SYTL2: variants seen among roughly 807,000 people sequenced by gnomAD.
SYTL2 encodes synaptotagmin like 2.
Under a neutral mutation model 198.7 loss-of-function variants are expected in SYTL2, and 165 were observed. That is an observed-to-expected ratio of 0.83 (90% CI 0.73 to 0.94). The LOEUF (loss-of-function observed/expected upper bound fraction) is 0.94. Among genes scored for constraint, SYTL2 ranks in the 40% least tolerant of loss-of-function variants. The probability of loss-of-function intolerance (pLI) is 0.00; values close to 1 mark genes in which losing one functional copy is unlikely to be tolerated. For missense variants in SYTL2, 2,835 were observed against 2,582.8 expected, an observed-to-expected ratio of 1.10 and a Z score of -2.12; for synonymous variants, 966 against 917.7, an observed-to-expected ratio of 1.05 and a Z score of -0.95.
chr11:85,839,140 C>A, the SYTL2 span, among the ~76,000 whole-genome samples: 1 of 152,108 alleles, frequency 6.6e-6, no homozygotes, highest in Non-Finnish European at 1.5e-5. Flanking sequence ...CATGAACATA[C>A]AAAAATAAAT....
intron 2 of SYTL2, among the ~76,000 whole-genome samples, chr11:85,749,679 G>A (rs1489058197): frequency 6.6e-6 from 1 of 152,132 alleles, no homozygotes; most frequent in Non-Finnish European, 1.5e-5. Context: ...ATAGTTCTCA[G>A]TCAGCAACGA....
chr11:85,725,332 C>T lies in SYTL2; in HGVS notation c.4026G>A (p.Gln1342=), dbSNP rs116456191. 2.0e-5 allele frequency: 33 copies of T among 1,613,974 alleles called. No individual in the cohort carries two copies. The East Asian group carries it at 6.9e-4, about 34-fold the overall frequency. ...CCGTTTGAGAAGGGTGTACCCTAGC[C>T]TGGGGAACAAGATGAGCATCCTGGG... ...LFPQDAHLVP[Q]ARVHPSQTEI... The change falls in exon 8 of 20, where the codon CAG becomes CAA. Residue 1342 remains glutamine, a synonymous_variant. Transcript: ENST00000359152.
At chr11:85,797,922 C>T (rs553552616) in intron 1 of SYTL2, among the ~76,000 whole-genome samples, 69 of 151,956 alleles carry the variant, frequency 4.5e-4, no homozygotes, top group Non-Finnish European at 5.9e-4. Context: ...GGTGCAATGT[C>T]GGCTCACTGC....
Position 85,727,057 on chromosome 11 carries a change from C to T in SYTL2, c.2301G>A (p.Lys767=). ...CTTCTTGCTGGAATTGGACCTCAGG[C>T]TTCTTCCAAGGAGAGCCATTGTTGG... The part of the protein sequence containing the change: ...GVANNGSPWK[K]PEVQFQQEAG... Residue 767 remains lysine, a synonymous_variant, in exon 8 of 20, where the codon AAG becomes AAA. Coordinates refer to ENST00000359152, the MANE Select transcript of SYTL2 (RefSeq NM_206927.4). 3 of 1,536,262 alleles carry T rather than the reference C, an allele frequency of 2.0e-6. 1 individual carries two copies. The highest frequency in any genetic ancestry group is 2.6e-6 in the Non-Finnish European group (3 of 1,146,914).
chr11:85,759,666 T>C (rs1312074990), intron 1 of SYTL2, among the ~76,000 whole-genome samples: 2 of 152,222 alleles, frequency 1.3e-5, no homozygotes, highest in African/African-American at 2.4e-5. Flanking sequence ...CCCATGAAGT[T>C]TGGGCTTCAT....
the SYTL2 span, among the ~76,000 whole-genome samples, chr11:85,818,749 G>T: frequency 6.6e-6 from 1 of 151,900 alleles, no homozygotes; most frequent in Non-Finnish European, 1.5e-5. Context: ...GCAGGGAAGT[G>T]GTGTGATCAT....
chr11:85,707,991 C>T (rs2085505508), intron 14 of SYTL2: 1 of 296,360 alleles, frequency 3.4e-6, no homozygotes, highest in Non-Finnish European at 6.5e-6. Flanking sequence ...CACACACACA[C>T]ACACACACAC....
chr11:85,749,701 T>C (rs1235651411), intron 2 of SYTL2, among the ~76,000 whole-genome samples: 1 of 152,228 alleles, frequency 6.6e-6, no homozygotes, highest in Non-Finnish European at 1.5e-5. Flanking sequence ...ATCATGGTTT[T>C]TATTAAATGT....
At chr11:85,803,365 A>C (rs2092917000) in intron 1 of SYTL2, among the ~76,000 whole-genome samples, 1 of 152,166 alleles carries the variant, frequency 6.6e-6, no homozygotes, top group African/African-American at 2.4e-5. Context: ...GTGATGCCCC[A>C]AAATAAACTG....
chr11:85,817,386 G>T, the SYTL2 span, among the ~76,000 whole-genome samples: 1 of 152,056 alleles, frequency 6.6e-6, no homozygotes, highest in Non-Finnish European at 1.5e-5. Flanking sequence ...AGATTGAGAC[G>T]TACTGTAAGT....
intron 6 of SYTL2, 87 bp from the exon 7 acceptor site, chr11:85,734,829 G>A: frequency 5.2e-6 from 5 of 959,648 alleles, no homozygotes; most frequent in Non-Finnish European, 7.6e-6. Context: ...CCTACACTTA[G>A]TGAAACTATT....
At chr11:85,824,638 G>T in the SYTL2 span, among the ~76,000 whole-genome samples, 6 of 152,310 alleles carry the variant, frequency 3.9e-5, no homozygotes, top group African/African-American at 1.4e-4. Flanking sequence ...AAATAAAATA[G>T]TTGAGGCCAT....
At chr11:85,769,677 C>T (rs1165647971) in intron 1 of SYTL2, among the ~76,000 whole-genome samples, 2 of 152,188 alleles carry the variant, frequency 1.3e-5, no homozygotes, top group Non-Finnish European at 2.9e-5. Context: ...CCCCTATTGA[C>T]TCCAACAGGG....
At chr11:85,748,844 G>A (rs554795660) in intron 2 of SYTL2, among the ~76,000 whole-genome samples, 11 of 152,262 alleles carry the variant, frequency 7.2e-5, no homozygotes, top group Middle Eastern at 3.4e-3. Flanking sequence ...AGGTTTAACC[G>A]AGTGAATTCA....
the SYTL2 span, among the ~76,000 whole-genome samples, chr11:85,844,756 C>T: frequency 2.0e-5 from 3 of 152,180 alleles, no homozygotes; most frequent in Admixed American, 6.5e-5. Context: ...AAACTGTGGT[C>T]AGTGGAACTC....
the SYTL2 span, among the ~76,000 whole-genome samples, chr11:85,847,776 G>A: frequency 2.2e-4 from 33 of 152,200 alleles, 1 homozygote; most frequent in South Asian, 6.7e-3. Context: ...CTATTTTTTG[G>A]AGCATCTATT....
At chr11:85,709,827 C>T (rs758046758) in intron 13 of SYTL2, among the ~76,000 whole-genome samples, 15 of 152,170 alleles carry the variant, frequency 9.9e-5, no homozygotes, top group South Asian at 8.3e-4. Context: ...GGATTACAGG[C>T]GCACGCCACC....
At position 85,726,103 on chromosome 11, in the gene SYTL2, C is replaced by G. The variant is rs377007027; in HGVS notation, c.3255G>C (p.Glu1085Asp). The G allele has an allele frequency of 1.2e-6, 2 of 1,613,804 alleles. No homozygotes were observed. The highest frequency in any genetic ancestry group is 4.5e-5 in the East Asian group (2 of 44,878). The change falls in exon 8 of 20, where the codon GAG becomes GAC. Residue 1085 changes from glutamate to aspartate, a missense_variant. Glu to Asp is a conservative substitution (Grantham distance 45, BLOSUM62 2). This residue lies in a region of SYTL2 where 2,645 missense variants were observed against 2,381.7 expected (regional missense o/e 1.11). Transcript: ENST00000359152. The stretch of plus-strand genomic sequence containing the variant: ...TCTTTTCCACATTTTCCTTTGATGA[C>G]TCATTTCCTGGCAACTGATAAGTAT... The part of the protein sequence containing the change: ...RKYTYQLPGN[E>D]SSKENVEKNT...
chr11:85,822,311 C>A, the SYTL2 span, among the ~76,000 whole-genome samples: 4 of 152,204 alleles, frequency 2.6e-5, no homozygotes, highest in African/African-American at 9.6e-5. Flanking sequence ...GGAGCCCACC[C>A]CTTGCAGCAA....
Sources: allele counts gnomAD v4.1 joint callset (sites outside exome capture counted in the v4.1 genomes callset), GRCh38; gene constraint gnomAD v4.1.1; regional missense constraint gnomAD v4.1.1; transcripts MANE v1.5; gene names NCBI Gene and HGNC (gene_info 2026-07-23, HGNC 2026-07-21).